The following RPP40 variants were observed in gnomAD, a reference collection of about 807,000 sequenced individuals.
The protein encoded by RPP40 is ribonuclease P/MRP subunit p40.
A neutral mutation model predicts 42.5 loss-of-function variants in RPP40; 30 were observed. The ratio of observed to expected loss-of-function variants is 0.71; its 90% CI spans 0.53 to 0.96. The LOEUF is 0.96. Among genes scored for constraint, RPP40 ranks in the 40% least tolerant of loss-of-function variants. RPP40 has a pLI of 0.00. For missense variants in RPP40, 426 were observed against 433.5 expected, an observed-to-expected ratio of 0.98 and a Z score of 0.15; for synonymous variants, 173 against 164.0, an observed-to-expected ratio of 1.05 and a Z score of -0.42.
At chr6:4,993,156 C>T (rs1002949889), downstream of RPP40, among the ~76,000 whole-genome samples, 1 of 152,236 alleles carries the variant, frequency 6.6e-6, no homozygotes, top group East Asian at 1.9e-4. Flanking sequence ...CTTCAGAAGG[C>T]AGGCATTTTC....
At chr6:4,988,536 A>C in the RPP40 span, among the ~76,000 whole-genome samples, 1 of 152,056 alleles carries the variant, frequency 6.6e-6, no homozygotes, top group Non-Finnish European at 1.5e-5. Flanking sequence ...CCATTTCTAC[A>C]ATTTTTTCAT....
At chr6:4,994,393 T>C (rs1214326323), downstream of RPP40, among the ~76,000 whole-genome samples, 2 of 106,266 alleles carry the variant, frequency 1.9e-5, no homozygotes, top group Admixed American at 1.9e-4. Flanking sequence ...ACTTAAAGTA[T>C]AATAAAAAAA....
chr6:4,990,650 ATTTTTT>A (rs34478088), downstream of RPP40, among the ~76,000 whole-genome samples: 1 of 131,560 alleles, frequency 7.6e-6, no homozygotes, highest in Non-Finnish European at 1.6e-5. Flanking sequence ...TGCCTGGCTA[ATTTTTT>A]TTTTTTTTTT....
chr6:4,997,726 C>A (rs1306892327), intron 5 of RPP40, among the ~76,000 whole-genome samples: 1 of 152,194 alleles, frequency 6.6e-6, no homozygotes, highest in Admixed American at 6.5e-5. Flanking sequence ...TGGCTACTAC[C>A]ATTCCTCTGA....
At chr6:4,994,381 A>G (rs1759308749), downstream of RPP40, among the ~76,000 whole-genome samples, 2 of 128,390 alleles carry the variant, frequency 1.6e-5, no homozygotes, top group Admixed American at 8.3e-5. Context: ...ATGTACCCTA[A>G]AACTTAAAGT....
At chr6:4,988,806 A>C in the RPP40 span, among the ~76,000 whole-genome samples, 2 of 152,360 alleles carry the variant, frequency 1.3e-5, no homozygotes, top group East Asian at 3.9e-4. Flanking sequence ...TTGTGTGAAC[A>C]TAAGTTCATT....
In RPP40 at chr6:4,995,910, T is replaced by A. The variant is rs368857643; in HGVS notation, c.893+41A>T. On this transcript the variant is annotated intron_variant, in intron 7 of 7. Coordinates refer to ENST00000380051, the MANE Select transcript of RPP40 (RefSeq NM_006638.4). ...CTATACTATTCGACATACTGTTCTATAGAGCACTGATGAGCGATATAAAAG... is the reference window on the plus strand; with the variant it reads ...CTATACTATTCGACATACTGTTCTAAAGAGCACTGATGAGCGATATAAAAG... 3.8e-6 allele frequency: 6 copies of A among 1,596,106 alleles called. No individual in the cohort carries two copies. The African/African-American group carries it at 4.0e-5, about 11-fold the overall frequency.
intron 1 of RPP40, among the ~76,000 whole-genome samples, chr6:5,003,401 C>T (rs1281334802): frequency 2.0e-5 from 3 of 150,224 alleles, no homozygotes; most frequent in Non-Finnish European, 4.4e-5. Context: ...CGAGCCTAGG[C>T]AGGATGCTCT....
chr6:4,993,342 T>C (rs150129707), downstream of RPP40, among the ~76,000 whole-genome samples: 489 of 152,344 alleles, frequency 3.2e-3, 13 homozygotes, highest in Non-Finnish European at 6.0e-4. Flanking sequence ...CAATTATATT[T>C]TTCATTCCTA....
Position 4,999,841 on chromosome 6 carries a change from GAT to G in RPP40, c.399_400del (p.Gln135ValfsTer14). The stretch of plus-strand genomic sequence containing the variant: ...CATAATTTTTCTGCCAGAAAACTGA[GAT>G]GGATGACCCTGAAGTCCAGTTTCTT... On this transcript the variant is annotated frameshift_variant, in exon 4 of 8. Transcript: ENST00000380051. LOFTEE classifies it high-confidence loss of function. 6.2e-7 allele frequency: 1 copy of G among 1,606,818 alleles called. No homozygotes were observed. The highest frequency in any genetic ancestry group is 8.5e-7 in the Non-Finnish European group (1 of 1,173,906).
chr6:4,988,476 C>A, the RPP40 span, among the ~76,000 whole-genome samples: 1 of 152,090 alleles, frequency 6.6e-6, no homozygotes, highest in Non-Finnish European at 1.5e-5. Flanking sequence ...CCACACTGAC[C>A]CCTCCCCACC....
At chr6:4,999,985 A>C in intron 3 of RPP40, 81 bp from the exon 4 acceptor site, 1 of 804,638 alleles carries the variant, frequency 1.2e-6, no homozygotes, top group Non-Finnish European at 2.1e-6. Context: ...AGGCAAATTG[A>C]GCAGTTAGAT....
the RPP40 span, among the ~76,000 whole-genome samples, chr6:4,989,662 C>T: frequency 1.3e-5 from 2 of 152,244 alleles, no homozygotes; most frequent in Non-Finnish European, 1.5e-5. Context: ...TTTGGTCAGA[C>T]TTATCCCAGG....
chr6:4,994,108 C>T (rs1157170956), downstream of RPP40, among the ~76,000 whole-genome samples: 1 of 151,318 alleles, frequency 6.6e-6, no homozygotes, highest in Non-Finnish European at 1.5e-5. Flanking sequence ...TCTTATTTTG[C>T]AGCTCTTGTT....
downstream of RPP40, among the ~76,000 whole-genome samples, chr6:4,993,563 A>C (rs758546301): frequency 6.6e-6 from 1 of 152,026 alleles, no homozygotes; most frequent in Non-Finnish European, 1.5e-5. Context: ...CTATGAACTT[A>C]CATTCCTTGA....
Position 4,998,711 on chromosome 6 carries a change from C to T in RPP40, c.559+5G>A. ...CTGTATCATTACATAATTTATTCCT[C>T]ATACCTGTTTTATGCCAAGCCAAAA... On this transcript the variant is annotated splice_donor_5th_base_variant and intron_variant, in intron 5 of 7. Coordinates refer to ENST00000380051, the MANE Select transcript of RPP40 (RefSeq NM_006638.4). 1 of 1,530,594 alleles carries T rather than the reference C, an allele frequency of 6.5e-7. No homozygotes were observed. The highest frequency in any genetic ancestry group is 8.9e-7 in the Non-Finnish European group (1 of 1,129,414). The allele number at this position is 1,530,594 out of a possible 1,614,324, so 94.8% of individuals were successfully genotyped here. A position where few individuals can be genotyped will look rare whatever the true frequency, so the allele number is the denominator to read the frequency against.
At chr6:5,002,054 C>T (rs1386091290) in intron 2 of RPP40, 47 bp downstream of exon 2, 1 of 1,563,398 alleles carries the variant, frequency 6.4e-7, no homozygotes, top group Non-Finnish European at 8.8e-7. Context: ...GGTCTCCCTA[C>T]CCTTCCTCAT....
chr6:4,991,334 G>A (rs1759259166), downstream of RPP40, among the ~76,000 whole-genome samples: 1 of 152,172 alleles, frequency 6.6e-6, no homozygotes, highest in Admixed American at 6.5e-5. Context: ...AATGTTCCAT[G>A]TGTACTTGCG....
At chr6:4,999,153 CG>C (rs35333520) in intron 4 of RPP40, among the ~76,000 whole-genome samples, 75,629 of 151,856 alleles carry the variant, frequency 0.5, 19,994 homozygotes, top group East Asian at 0.83. Context: ...TATTGATGTT[CG>C]AGCCAGACGC....
Sources: gnomAD v4.1 joint callset for allele counts (sites outside exome capture counted in the v4.1 genomes callset) on GRCh38, gnomAD v4.1.1 for gene constraint, MANE v1.5 for transcripts, NCBI Gene and HGNC (gene_info 2026-07-23, HGNC 2026-07-21) for gene names.